The following SLC8A1 variants were observed in gnomAD, a reference collection of about 807,000 sequenced individuals.
SLC8A1 encodes sodium/calcium exchanger 1.
In SLC8A1, 18 loss-of-function variants were observed where a neutral mutation model predicts 68.3. The ratio of observed to expected loss-of-function variants is 0.26; its 90% CI spans 0.18 to 0.39. SLC8A1 has a LOEUF of 0.39. SLC8A1 is among the 10% of genes least tolerant of loss of function. SLC8A1 has a pLI of 1.00. For missense variants in SLC8A1, 985 were observed against 1,156.7 expected, an observed-to-expected ratio of 0.85 and a Z score of 2.15; for synonymous variants, 475 against 415.5, an observed-to-expected ratio of 1.14 and a Z score of -1.74.
At chr2:40,305,859 A>T (rs115376879) in intron 2 of SLC8A1, among the ~76,000 whole-genome samples, 1,657 of 152,342 alleles carry the variant, frequency 0.011, 31 homozygotes, top group African/African-American at 0.038. Flanking sequence ...TTTGTGAAAC[A>T]GACCGTTTGT....
chr2:40,418,084 G>C (rs1213562427), intron 2 of SLC8A1, among the ~76,000 whole-genome samples: 1 of 152,148 alleles, frequency 6.6e-6, no homozygotes, highest in African/African-American at 2.4e-5. Context: ...GAAATATTGA[G>C]AAAGATGTTC....
chr2:40,270,933 C>G (rs967419532), intron 2 of SLC8A1, among the ~76,000 whole-genome samples: 3 of 152,032 alleles, frequency 2.0e-5, no homozygotes, highest in Admixed American at 6.6e-5. Context: ...TTCCTAACGC[C>G]CTCTTTCATT....
chr2:40,498,028 T>G (rs1705821275), intron 1 of SLC8A1, among the ~76,000 whole-genome samples: 1 of 151,988 alleles, frequency 6.6e-6, no homozygotes, highest in Non-Finnish European at 1.5e-5. Flanking sequence ...TATTGGATTT[T>G]GGGACTGATT....
chr2:40,268,009 T>G (rs990788318), intron 2 of SLC8A1, among the ~76,000 whole-genome samples: 1 of 152,164 alleles, frequency 6.6e-6, no homozygotes, highest in Non-Finnish European at 1.5e-5. Context: ...AAAACACAAT[T>G]GTTGAATTAC....
chr2:40,162,964 A>G (rs146452064), intron 5 of SLC8A1, among the ~76,000 whole-genome samples: 31 of 152,278 alleles, frequency 2.0e-4, no homozygotes, highest in African/African-American at 7.2e-4. Flanking sequence ...ATGTTCTAGT[A>G]AAAGAGATTT....
At chr2:40,340,942 T>TGA (rs1304446700) in intron 2 of SLC8A1, among the ~76,000 whole-genome samples, 1 of 152,156 alleles carries the variant, frequency 6.6e-6, no homozygotes, top group Non-Finnish European at 1.5e-5. Flanking sequence ...TACATTCCCA[T>TGA]GAGAGAGTTA....
At chr2:40,115,397 C>T (rs779948254) in exon 8 of SLC8A1, 1 of 1,614,138 alleles carries the variant, frequency 6.2e-7, no homozygotes, top group Non-Finnish European at 8.5e-7. Flanking sequence ...TCCGCCGATA[C>T]AGCAGCACCC....
intron 6 of SLC8A1, among the ~76,000 whole-genome samples, chr2:40,143,768 T>C (rs1042247353): frequency 6.6e-6 from 1 of 152,184 alleles, no homozygotes; most frequent in Non-Finnish European, 1.5e-5. Flanking sequence ...GCTTTGCATA[T>C]ATCTTTCTTT....
chr2:40,120,409 C>G (rs897712739), intron 7 of SLC8A1, among the ~76,000 whole-genome samples: 1 of 152,160 alleles, frequency 6.6e-6, no homozygotes, highest in Non-Finnish European at 1.5e-5. Flanking sequence ...GTGGAAGAAG[C>G]CTCATCAAAG....
At chr2:40,215,330 T>G (rs1156998147) in intron 2 of SLC8A1, among the ~76,000 whole-genome samples, 2 of 152,094 alleles carry the variant, frequency 1.3e-5, no homozygotes, top group Non-Finnish European at 2.9e-5. Context: ...TATGCCCAAC[T>G]AATTTTTTAA....
intron 2 of SLC8A1, among the ~76,000 whole-genome samples, chr2:40,241,006 C>T (rs2061149581): frequency 6.6e-6 from 1 of 151,960 alleles, no homozygotes; most frequent in South Asian, 2.1e-4. Flanking sequence ...GGGTATATAC[C>T]CAAAGGAAAA....
At chr2:40,396,762 A>AAAAAC (rs1687068396) in intron 2 of SLC8A1, among the ~76,000 whole-genome samples, 1 of 61,510 alleles carries the variant, frequency 1.6e-5, no homozygotes, top group Non-Finnish European at 4.9e-5. Context: ...AAAAAAAAAA[A>AAAAAC]AAAAAAAAAA....
At chr2:40,252,994 T>C (rs1172247349) in intron 2 of SLC8A1, among the ~76,000 whole-genome samples, 1 of 141,966 alleles carries the variant, frequency 7.0e-6, no homozygotes, top group Non-Finnish European at 1.5e-5. Flanking sequence ...TGTATATATG[T>C]ATATACATAT....
intron 2 of SLC8A1, among the ~76,000 whole-genome samples, chr2:40,227,437 G>A (rs184442529): frequency 3.3e-5 from 5 of 152,090 alleles, no homozygotes; most frequent in Admixed American, 2.6e-4. Context: ...ATAGCTGGAG[G>A]CCATTATCCT....
chr2:40,428,964 A>G (rs770848006), exon 2 of SLC8A1: 3 of 1,613,738 alleles, frequency 1.9e-6, no homozygotes, highest in Non-Finnish European at 2.5e-6. Flanking sequence ...CAACAAACAC[A>G]GTGTTAGTCA....
chr2:40,150,973 T>A (rs940927555), intron 6 of SLC8A1, among the ~76,000 whole-genome samples: 6 of 152,144 alleles, frequency 3.9e-5, no homozygotes, highest in African/African-American at 1.4e-4. Flanking sequence ...ATATCTCCCA[T>A]AAATAGTTTA....
At chr2:40,357,739 G>A (rs969605544) in intron 2 of SLC8A1, among the ~76,000 whole-genome samples, 1 of 152,020 alleles carries the variant, frequency 6.6e-6, no homozygotes. Flanking sequence ...ATAGAATGCT[G>A]AGCTACATCA....
intron 2 of SLC8A1, among the ~76,000 whole-genome samples, chr2:40,356,884 C>A (rs1672815560): frequency 6.6e-6 from 1 of 152,194 alleles, no homozygotes; most frequent in Non-Finnish European, 1.5e-5. Context: ...CCTTACATCT[C>A]CTTAAGCCTC....
rs200522618 is a variant in SLC8A1, at chr2:40,257,269, C to A, written c.1809-79414G>T. ...CTTAGCTCACTGTCGTACTCTAGTGCCTTCCTAACACGCAAGCATACTTCC... is the reference window on the plus strand; with the variant it reads ...CTTAGCTCACTGTCGTACTCTAGTGACTTCCTAACACGCAAGCATACTTCC... On this transcript the variant is annotated intron_variant, in intron 2 of 7. Coordinates refer to ENST00000406785, the Ensembl canonical transcript of SLC8A1. Among the ~76,000 whole-genome samples, 6 of 152,200 alleles carry A rather than the reference C, an allele frequency of 3.9e-5. No individual in the cohort carries two copies. The East Asian group carries it at 9.7e-4, about 25-fold the overall frequency.
Sources: allele counts gnomAD v4.1 joint callset (sites outside exome capture counted in the v4.1 genomes callset), GRCh38; gene constraint gnomAD v4.1.1; transcripts MANE v1.5; gene names NCBI Gene and HGNC (gene_info 2026-07-23, HGNC 2026-07-21).